The following NBEA variants were observed in gnomAD, a reference collection of about 807,000 sequenced individuals.
The protein encoded by NBEA is neurobeachin, also known as lysosomal-trafficking regulator 2.
NBEA carries 44 observed loss-of-function variants against 343.4 expected under a neutral mutation model. The observed-to-expected ratio is 0.13, with a 90% CI of 0.10 to 0.16. NBEA has a LOEUF of 0.16. Among genes scored for constraint, NBEA ranks in the 10% least tolerant of loss-of-function variants. NBEA has a pLI of 1.00. For synonymous variants in NBEA, 1,175 were observed against 1,238.7 expected, an observed-to-expected ratio of 0.95 and a Z score of 1.08; for missense variants, 2,555 against 3,631.3, an observed-to-expected ratio of 0.70 and a Z score of 7.62.
chr13:35,377,141 G>A (rs2152888544), intron 38 of NBEA, among the ~76,000 whole-genome samples: 1 of 152,316 alleles, frequency 6.6e-6, no homozygotes, highest in South Asian at 2.1e-4. Context: ...AATAAAAAAA[G>A]TGAAGAGAAG....
In NBEA at chr13:35,182,494, C is replaced by A. The variant is rs1566421847; in HGVS notation, c.4797C>A (p.Asn1599Lys). ...TTRTGSQPGR[N>K]IRQEINSPTS... is the part of the protein sequence containing the mutation. ...GAACTGGAAGCCAACCAGGTAGAAA[C>A]ATCAGGCAAGAAATAAATTCACCAA... Residue 1599 changes from asparagine to lysine, a missense_variant, in exon 29 of 59, where the codon AAC becomes AAA. Transcript: ENST00000379939. The A allele has an allele frequency of 5.6e-6, 9 of 1,609,940 alleles. No homozygotes were observed. The highest frequency in any genetic ancestry group is 7.6e-6 in the Non-Finnish European group (9 of 1,177,360).
intron 18 of NBEA, among the ~76,000 whole-genome samples, chr13:35,147,892 G>T (rs565179680): frequency 1.3e-5 from 2 of 152,216 alleles, no homozygotes; most frequent in East Asian, 3.9e-4. Context: ...TTCTTCTGAT[G>T]TTCACAAAAA....
chr13:35,489,382 G>A (rs1179518399), intron 41 of NBEA, among the ~76,000 whole-genome samples: 2 of 151,624 alleles, frequency 1.3e-5, no homozygotes, highest in East Asian at 3.9e-4. Context: ...CTACTCTATT[G>A]TGTATCAGTC....
rs1053255500 is a variant in NBEA, at chr13:35,005,054, G to T, written c.295-35879G>T. 7.9e-5 allele frequency among the ~76,000 whole-genome samples: 12 copies of T among 152,192 alleles called. 1 individual carries two copies. In the South Asian group the frequency reaches 2.5e-3, roughly 32 times the overall value. On this transcript the variant is annotated intron_variant, in intron 1 of 58. Transcript: ENST00000379939. The stretch of plus-strand genomic sequence containing the variant: ...ATACTGATTATCAACTATGTGCCAA[G>T]CATTATACTGTTACATGTGAAATGG...
At chr13:35,262,192 C>T (rs2152798853) in intron 34 of NBEA, among the ~76,000 whole-genome samples, 1 of 152,328 alleles carries the variant, frequency 6.6e-6, no homozygotes, top group East Asian at 1.9e-4. Context: ...GAATATGCAG[C>T]AGCTGGCATC....
chr13:35,286,686 G>A (rs1359534520), intron 34 of NBEA, among the ~76,000 whole-genome samples: 1 of 152,064 alleles, frequency 6.6e-6, no homozygotes, highest in African/African-American at 2.4e-5. Flanking sequence ...ATTAAATAAA[G>A]ATAGCTTTGT....
intron 1 of NBEA, among the ~76,000 whole-genome samples, chr13:35,015,140 C>CACA: frequency 2.9e-5 from 1 of 34,816 alleles, no homozygotes; most frequent in Non-Finnish European, 5.1e-5. Flanking sequence ...AAAAAAAAAA[C>CACA]AAACAAAAAA....
chr13:35,052,831 T>C (rs955408468), intron 6 of NBEA, among the ~76,000 whole-genome samples: 1 of 152,042 alleles, frequency 6.6e-6, no homozygotes, highest in Non-Finnish European at 1.5e-5. Context: ...AATTTTATCA[T>C]ATATTATTGT....
chr13:35,155,535 G>A (rs1205189042), intron 18 of NBEA, among the ~76,000 whole-genome samples: 1 of 152,150 alleles, frequency 6.6e-6, no homozygotes, highest in African/African-American at 2.4e-5. Context: ...TGAGGGAAGA[G>A]AGTCACTTGA....
intron 36 of NBEA, among the ~76,000 whole-genome samples, chr13:35,332,400 T>G (rs1170542227): frequency 6.6e-6 from 1 of 152,030 alleles, no homozygotes; most frequent in Admixed American, 6.6e-5. Flanking sequence ...TTCAAGGATA[T>G]AGAATAAATA....
In NBEA at chr13:35,593,408, G is replaced by A; in HGVS notation, c.7257G>A (p.Arg2419=). 6.2e-7 allele frequency: 1 copy of A among 1,612,282 alleles called. No homozygotes were observed. Among genetic ancestry groups the A allele is most frequent in the Non-Finnish European group, 8.5e-7 (1 of 1,178,654 alleles). The change falls in exon 47 of 59, where the codon AGG becomes AGA. Residue 2419 remains arginine (R), a synonymous_variant. Transcript: ENST00000379939. ...ATCGAACCTTCTCATCCGTTGCAAG[G>A]TCTTGGAGAACTAGTCAGAGAGATA... ...HPDRTFSSVA[R]SWRTSQRDTS... is the part of the protein sequence containing the mutation.
intron 18 of NBEA, among the ~76,000 whole-genome samples, chr13:35,146,554 C>T (rs1248007941): frequency 6.6e-6 from 1 of 152,124 alleles, no homozygotes; most frequent in Non-Finnish European, 1.5e-5. Context: ...ATTCCCTTTT[C>T]CAGTGGCCCT....
intron 34 of NBEA, among the ~76,000 whole-genome samples, chr13:35,264,269 A>G (rs941975122): frequency 3.3e-5 from 5 of 151,952 alleles, no homozygotes; most frequent in African/African-American, 1.2e-4. Context: ...GTAATAAAAC[A>G]TCTCCTATCA....
intron 1 of NBEA, among the ~76,000 whole-genome samples, chr13:34,961,445 T>C (rs1172423922): frequency 6.6e-6 from 1 of 152,126 alleles, no homozygotes; most frequent in East Asian, 1.9e-4. Flanking sequence ...TCTATTCTTT[T>C]GCTCCTAGCT....
chr13:35,161,927 T>G lies in NBEA; in HGVS notation c.4039T>G (p.Leu1347Val), dbSNP rs1203166895. The change falls in exon 23 of 59, where the codon TTA (leucine) becomes GTA (valine). Residue 1347 changes from leucine to valine, a missense_variant. This residue lies in a region of NBEA where 69 missense variants were observed against 128.8 expected (regional missense o/e 0.54). Transcript: ENST00000379939. ...AATGCACCAGCGGCTTCTCACTGAT[T>G]TACTATTTGCATTAGAAACTGATGT... ...SPMHQRLLTD[L>V]LFALETDVHV... The G allele has an allele frequency of 6.4e-7, 1 of 1,558,406 alleles. No homozygotes were observed. The highest frequency in any genetic ancestry group is 8.7e-7 in the Non-Finnish European group (1 of 1,150,578).
rs796200172 is a variant in NBEA, at chr13:35,521,084, G to C, written c.6586-29393G>C. ...GCTGGGTGTTGGAGGCCTTGTTTTG[G>C]TTTCAAATCACACTGAATTGATCAA... On this transcript the variant is annotated intron_variant, in intron 41 of 58. Coordinates refer to ENST00000379939, the MANE Select transcript of NBEA (RefSeq NM_001385012.1). Among the ~76,000 whole-genome samples, 24 of 152,058 alleles carry C rather than the reference G, an allele frequency of 1.6e-4. 1 individual carries two copies. The highest frequency in any genetic ancestry group is 5.8e-4 in the African/African-American group (24 of 41,488).
chr13:35,415,949 C>T (rs899719962), intron 38 of NBEA, among the ~76,000 whole-genome samples: 2 of 152,170 alleles, frequency 1.3e-5, no homozygotes, highest in Non-Finnish European at 2.9e-5. Context: ...AGATCCTTCA[C>T]ATCCCTTGTA....
intron 11 of NBEA, among the ~76,000 whole-genome samples, chr13:35,107,006 T>C (rs1460037090): frequency 3.9e-5 from 6 of 151,920 alleles, no homozygotes; most frequent in African/African-American, 9.7e-5. Context: ...TCTGACTGTA[T>C]TCTATTTTAG....
At chr13:35,609,028 T>C (rs2153053388) in intron 48 of NBEA, among the ~76,000 whole-genome samples, 1 of 152,332 alleles carries the variant, frequency 6.6e-6, no homozygotes, top group South Asian at 2.1e-4. Flanking sequence ...GGTTTATAAT[T>C]GTCAATCCAG....
Sources: gnomAD v4.1 joint callset for allele counts (sites outside exome capture counted in the v4.1 genomes callset) on GRCh38, gnomAD v4.1.1 for gene constraint, gnomAD v4.1.1 regional missense constraint, MANE v1.5 for transcripts, NCBI Gene and HGNC (gene_info 2026-07-23, HGNC 2026-07-21) for gene names.